The following FSTL4 variants were observed in gnomAD, a reference collection of about 807,000 sequenced individuals.
FSTL4 encodes follistatin-related protein 4.
Under a neutral mutation model 78.2 loss-of-function variants are expected in FSTL4, and 28 were observed. The observed-to-expected ratio is 0.36, with a 90% CI of 0.27 to 0.49. The LOEUF (loss-of-function observed/expected upper bound fraction) is 0.49, where lower values mean the gene tolerates loss of function less well. Ranked by LOEUF, FSTL4 falls within the 20% of genes least tolerant of loss-of-function variation. The probability of loss-of-function intolerance (pLI) is 0.98; values close to 1 mark genes in which losing one functional copy is unlikely to be tolerated. For synonymous variants in FSTL4, 422 were observed against 440.5 expected (o/e 0.96, Z 0.53); for missense variants, 922 against 1,084.9 (o/e 0.85, Z 2.11).
At chr5:133,486,638 G>A (rs970989597) in intron 3 of FSTL4, among the ~76,000 whole-genome samples, 1 of 152,102 alleles carries the variant, frequency 6.6e-6, no homozygotes, top group Non-Finnish European at 1.5e-5. Context: ...AAACAACCCT[G>A]GTGACCCTTT....
At chr5:133,829,700 C>T in the FSTL4 span, among the ~76,000 whole-genome samples, 1 of 152,150 alleles carries the variant, frequency 6.6e-6, no homozygotes, top group Non-Finnish European at 1.5e-5. Flanking sequence ...TGTCCCAGCC[C>T]AGGGAGAGAT....
chr5:133,636,004 G>A, the FSTL4 span, among the ~76,000 whole-genome samples: 1 of 152,154 alleles, frequency 6.6e-6, no homozygotes, highest in Non-Finnish European at 1.5e-5. Context: ...CATCACGTGA[G>A]CAGGGACTCT....
chr5:133,220,951 C>T (rs1344427581), intron 11 of FSTL4, 85 bp from the exon 12 acceptor site: 2 of 825,258 alleles, frequency 2.4e-6, no homozygotes. Context: ...ACACAAGAAA[C>T]CGGCCACGTG....
At chr5:133,579,920 G>A (rs971015202) in intron 2 of FSTL4, among the ~76,000 whole-genome samples, 2 of 152,174 alleles carry the variant, frequency 1.3e-5, no homozygotes, top group East Asian at 3.9e-4. Flanking sequence ...GATTGATCAG[G>A]CTGGAGCCTC....
At chr5:133,514,072 G>A (rs556372425) in intron 3 of FSTL4, among the ~76,000 whole-genome samples, 106 of 151,808 alleles carry the variant, frequency 7.0e-4, no homozygotes, top group African/African-American at 9.7e-4. Context: ...CCAGCTACTC[G>A]AGAGGCTGAG....
chr5:133,301,634 C>A (rs1350036810), intron 6 of FSTL4, among the ~76,000 whole-genome samples: 1 of 152,142 alleles, frequency 6.6e-6, no homozygotes, highest in Non-Finnish European at 1.5e-5. Flanking sequence ...GTTTTGCAGT[C>A]CCAACAAGTA....
At chr5:133,297,469 G>T (rs984162634) in intron 6 of FSTL4, among the ~76,000 whole-genome samples, 1 of 152,172 alleles carries the variant, frequency 6.6e-6, no homozygotes, top group African/African-American at 2.4e-5. Context: ...GGTCTACTGG[G>T]TAACCGCAGG....
the FSTL4 span, among the ~76,000 whole-genome samples, chr5:133,621,206 C>T: frequency 6.6e-6 from 1 of 152,250 alleles, no homozygotes; most frequent in East Asian, 1.9e-4. Context: ...CAATACCATC[C>T]TGGCTAATAC....
At chr5:133,450,777 G>C (rs1757367707) in intron 3 of FSTL4, among the ~76,000 whole-genome samples, 1 of 152,202 alleles carries the variant, frequency 6.6e-6, no homozygotes, top group Non-Finnish European at 1.5e-5. Flanking sequence ...TTAATGCAGA[G>C]TCTACCGGCA....
chr5:133,506,911 C>G (rs1022389309), intron 3 of FSTL4, among the ~76,000 whole-genome samples: 1 of 152,220 alleles, frequency 6.6e-6, no homozygotes, highest in Non-Finnish European at 1.5e-5. Flanking sequence ...TAGACTGGGC[C>G]TTTAAAAAGC....
chr5:133,569,248 T>A (rs1760098462), intron 2 of FSTL4, among the ~76,000 whole-genome samples: 1 of 152,226 alleles, frequency 6.6e-6, no homozygotes, highest in Non-Finnish European at 1.5e-5. Flanking sequence ...TTCCTATACT[T>A]CCAGGTGTTT....
the FSTL4 span, among the ~76,000 whole-genome samples, chr5:133,753,171 A>G: frequency 1.3e-5 from 2 of 152,236 alleles, no homozygotes; most frequent in Non-Finnish European, 2.9e-5. Flanking sequence ...AAGGCAAACC[A>G]GACTTGCTCC....
intron 3 of FSTL4, among the ~76,000 whole-genome samples, chr5:133,498,837 A>G (rs1758426292): frequency 6.6e-6 from 1 of 151,698 alleles, no homozygotes; most frequent in Non-Finnish European, 1.5e-5. Flanking sequence ...CAACTCACTC[A>G]CTTTTTATTG....
At chr5:133,681,687 A>AC in the FSTL4 span, among the ~76,000 whole-genome samples, 1 of 151,964 alleles carries the variant, frequency 6.6e-6, no homozygotes, top group Non-Finnish European at 1.5e-5. Flanking sequence ...GAGGAATTGG[A>AC]CCCCCCATGA....
At chr5:133,353,700 C>T (rs573265370) in intron 4 of FSTL4, among the ~76,000 whole-genome samples, 49 of 152,294 alleles carry the variant, frequency 3.2e-4, no homozygotes, top group South Asian at 1.7e-3. Flanking sequence ...GGCCATAAGG[C>T]CAAAGACAAA....
chr5:133,635,483 G>A, the FSTL4 span, among the ~76,000 whole-genome samples: 1 of 152,020 alleles, frequency 6.6e-6, no homozygotes, highest in East Asian at 1.9e-4. Context: ...TGCCTTGGCG[G>A]CTGGGCACAG....
the FSTL4 span, among the ~76,000 whole-genome samples, chr5:133,783,793 T>C: frequency 6.6e-6 from 1 of 152,114 alleles, no homozygotes; most frequent in South Asian, 2.1e-4. Context: ...AAGTTACAAA[T>C]CTAAAAGAAA....
intron 3 of FSTL4, among the ~76,000 whole-genome samples, chr5:133,519,623 T>C (rs1758934581): frequency 6.6e-6 from 1 of 152,214 alleles, no homozygotes; most frequent in Admixed American, 6.5e-5. Context: ...TGGGCCCCTT[T>C]GGTATTTTTC....
chr5:133,279,911 G>A (rs1216853944), intron 6 of FSTL4, among the ~76,000 whole-genome samples: 1 of 152,220 alleles, frequency 6.6e-6, no homozygotes, highest in Non-Finnish European at 1.5e-5. Flanking sequence ...GAAGACATGG[G>A]GGACAAAGAA....
Sources: gnomAD v4.1 joint callset for allele counts (sites outside exome capture counted in the v4.1 genomes callset) on GRCh38, gnomAD v4.1.1 for gene constraint, MANE v1.5 for transcripts, NCBI Gene and HGNC (gene_info 2026-07-23, HGNC 2026-07-21) for gene names.